Variants in SLCO6A1 observed in about 807,000 individuals in gnomAD.
SLCO6A1 encodes the protein cancer/testis antigen 48.
Under a neutral mutation model 72.7 loss-of-function variants are expected in SLCO6A1, and 65 were observed. That is an observed-to-expected ratio of 0.89 (90% CI 0.73 to 1.10). The LOEUF is 1.10. Ranked by LOEUF, SLCO6A1 falls within the 50% of genes least tolerant of loss-of-function variation. The probability of loss-of-function intolerance (pLI) is 0.00; values close to 1 mark genes in which losing one functional copy is unlikely to be tolerated. For missense variants in SLCO6A1, 874 were observed against 872.6 expected, an observed-to-expected ratio of 1.00 and a Z score of -0.02; for synonymous variants, 314 against 298.2, an observed-to-expected ratio of 1.05 and a Z score of -0.55.
At chr5:102,397,292 T>C (rs1179662426) in intron 10 of SLCO6A1, among the ~76,000 whole-genome samples, 1 of 152,162 alleles carries the variant, frequency 6.6e-6, no homozygotes, top group Admixed American at 6.6e-5. Context: ...ATACATTTTC[T>C]TAAACTTGAG....
chr5:102,404,984 G>A (rs1023795055), intron 9 of SLCO6A1, among the ~76,000 whole-genome samples: 1 of 152,026 alleles, frequency 6.6e-6, no homozygotes, highest in African/African-American at 2.4e-5. Context: ...TCCATACACT[G>A]GAGGTATCTC....
chr5:102,467,807 T>G (rs188479009), intron 4 of SLCO6A1, among the ~76,000 whole-genome samples: 1 of 152,138 alleles, frequency 6.6e-6, no homozygotes, highest in Non-Finnish European at 1.5e-5. Flanking sequence ...ATTTATCTTT[T>G]GTATTTTTGG....
intron 1 of SLCO6A1, among the ~76,000 whole-genome samples, chr5:102,491,572 C>T (rs536446812): frequency 1.3e-5 from 2 of 152,368 alleles, no homozygotes; most frequent in South Asian, 2.1e-4. Flanking sequence ...AAATTGAACA[C>T]AACAGCTGCT....
chr5:102,411,004 G>T (rs1901521), intron 9 of SLCO6A1, among the ~76,000 whole-genome samples: 96,764 of 151,920 alleles, frequency 0.64, 31,002 homozygotes, highest in African/African-American at 0.66. Context: ...TGAGTGAAAG[G>T]TGACCAAAAG....
At chr5:102,452,266 C>G (rs999249993) in intron 6 of SLCO6A1, among the ~76,000 whole-genome samples, 1 of 152,154 alleles carries the variant, frequency 6.6e-6, no homozygotes, top group African/African-American at 2.4e-5. Flanking sequence ...GGGAGCTTTT[C>G]CTCTATAAAA....
At chr5:102,474,960 T>TGGAACC (rs2112811629) in intron 4 of SLCO6A1, among the ~76,000 whole-genome samples, 1 of 152,068 alleles carries the variant, frequency 6.6e-6, no homozygotes, top group East Asian at 1.9e-4. Context: ...GTGGAGAAAT[T>TGGAACC]GGAACCCTGT....
chr5:102,428,659 C>T (rs1749046771), intron 7 of SLCO6A1, among the ~76,000 whole-genome samples: 1 of 152,026 alleles, frequency 6.6e-6, no homozygotes, highest in South Asian at 2.1e-4. Flanking sequence ...TACCACCCTC[C>T]ACCCTCAGGT....
Position 102,373,363 on chromosome 5 carries a change from TTTC to T in SLCO6A1, c.2146_2148del (p.Glu716del). On this transcript the variant is annotated inframe_deletion, in exon 13 of 14. Coordinates refer to ENST00000506729, the MANE Select transcript of SLCO6A1 (RefSeq NM_173488.5). ...CAATGATGATCCAGTTACAAGTCAG[TTTC>T]TTCTTTTTTCTTAACTTTTGGATTC... 6.4e-7 allele frequency: 1 copy of T among 1,561,546 alleles called. No homozygotes were observed.
intron 13 of SLCO6A1, among the ~76,000 whole-genome samples, chr5:102,372,475 T>C (rs1750676535): frequency 1.3e-5 from 2 of 151,986 alleles, no homozygotes; most frequent in South Asian, 4.1e-4. Context: ...TGATGTACAA[T>C]AATGTATAAA....
At chr5:102,443,829 T>C (rs1423113208) in intron 6 of SLCO6A1, among the ~76,000 whole-genome samples, 1 of 152,172 alleles carries the variant, frequency 6.6e-6, no homozygotes, top group African/African-American at 2.4e-5. Context: ...CAAATAAATA[T>C]ACAAAGAGTT....
At chr5:102,465,694 T>C (rs1751275797) in intron 4 of SLCO6A1, among the ~76,000 whole-genome samples, 7 of 152,140 alleles carry the variant, frequency 4.6e-5, no homozygotes, top group Admixed American at 4.6e-4. Flanking sequence ...GGTCTGAGTT[T>C]ACCATCACAT....
At chr5:102,407,837 T>C (rs930601118) in intron 9 of SLCO6A1, among the ~76,000 whole-genome samples, 16 of 152,090 alleles carry the variant, frequency 1.1e-4, no homozygotes, top group Admixed American at 1.0e-3. Context: ...TTCAATAACC[T>C]GAACAAACTT....
chr5:102,435,321 T>C (rs1398925333), intron 7 of SLCO6A1, among the ~76,000 whole-genome samples: 1 of 152,202 alleles, frequency 6.6e-6, no homozygotes, highest in Non-Finnish European at 1.5e-5. Flanking sequence ...AATATACTGA[T>C]GCTGTAGCTT....
At chr5:102,492,794 A>G (rs1411466290) in intron 1 of SLCO6A1, among the ~76,000 whole-genome samples, 1 of 152,194 alleles carries the variant, frequency 6.6e-6, no homozygotes, top group African/African-American at 2.4e-5. Context: ...CATTGCTAGC[A>G]CAGCAGTCTG....
At chr5:102,382,547 T>C (rs533093048) in intron 12 of SLCO6A1, among the ~76,000 whole-genome samples, 3 of 151,710 alleles carry the variant, frequency 2.0e-5, no homozygotes, top group African/African-American at 7.2e-5. Context: ...TGATAGGTAC[T>C]GCTTGGAATC....
chr5:102,414,848 T>C (rs1024546929), intron 8 of SLCO6A1, among the ~76,000 whole-genome samples: 2 of 152,042 alleles, frequency 1.3e-5, no homozygotes, highest in African/African-American at 4.8e-5. Flanking sequence ...TGAGCTGAGA[T>C]TGTACCACGG....
At chr5:102,423,094 C>G (rs1030923847) in intron 7 of SLCO6A1, among the ~76,000 whole-genome samples, 1 of 152,096 alleles carries the variant, frequency 6.6e-6, no homozygotes, top group African/African-American at 2.4e-5. Context: ...TTGTCACCAC[C>G]AGGACTGCCT....
At chr5:102,475,652 G>T in intron 4 of SLCO6A1, 45 bp downstream of exon 4, 1 of 1,260,982 alleles carries the variant, frequency 7.9e-7, no homozygotes, top group Non-Finnish European at 1.1e-6. Flanking sequence ...TATTTAGTAA[G>T]TATTTTATAC....
At chr5:102,389,628 A>T (rs6889119) in intron 11 of SLCO6A1, among the ~76,000 whole-genome samples, 97,615 of 151,120 alleles carry the variant, frequency 0.65, 31,689 homozygotes, top group African/African-American at 0.66. Flanking sequence ...TGATAGTACT[A>T]TTTTTAATTA....
Sources: gnomAD v4.1 joint callset for allele counts (sites outside exome capture counted in the v4.1 genomes callset) on GRCh38, gnomAD v4.1.1 for gene constraint, MANE v1.5 for transcripts, NCBI Gene and HGNC (gene_info 2026-07-23, HGNC 2026-07-21) for gene names.